The following CSMD1 variants were observed in gnomAD, a reference collection of about 807,000 sequenced individuals.
CSMD1 encodes CUB and Sushi multiple domains 1.
CSMD1 carries 213 observed loss-of-function variants against 417.5 expected under a neutral mutation model. The observed-to-expected ratio is 0.51, with a 90% CI of 0.46 to 0.57. The LOEUF is 0.57. Among genes scored for constraint, CSMD1 ranks in the 20% least tolerant of loss-of-function variants. The pLI is 0.00. For missense variants in CSMD1, 6,923 were observed against 4,529.7 expected, an observed-to-expected ratio of 1.53 and a Z score of -15.17; for synonymous variants, 2,862 against 1,736.8, an observed-to-expected ratio of 1.65 and a Z score of -16.11.
intron 3 of CSMD1, among the ~76,000 whole-genome samples, chr8:4,215,446 T>A (rs898950493): frequency 3.9e-5 from 6 of 152,100 alleles, no homozygotes; most frequent in African/African-American, 1.2e-4. Flanking sequence ...ACTCAATGCT[T>A]CCTGAATATT....
intron 1 of CSMD1, among the ~76,000 whole-genome samples, chr8:4,902,803 G>C (rs1388383811): frequency 6.6e-6 from 1 of 151,930 alleles, no homozygotes; most frequent in Non-Finnish European, 1.5e-5. Context: ...CCAGGTTCAT[G>C]TGTATCCTTT....
chr8:4,585,017 C>T (rs1229035960), intron 2 of CSMD1, among the ~76,000 whole-genome samples: 1 of 150,506 alleles, frequency 6.6e-6, no homozygotes, highest in African/African-American at 2.5e-5. Flanking sequence ...ATTATTTGTA[C>T]AATTTTTCAT....
intron 5 of CSMD1, among the ~76,000 whole-genome samples, chr8:3,830,394 C>A (rs1284414908): frequency 6.6e-6 from 1 of 152,148 alleles, no homozygotes; most frequent in African/African-American, 2.4e-5. Context: ...TTACCTGGAC[C>A]GCTTCCAATC....
At chr8:4,852,921 G>C (rs67494490) in intron 1 of CSMD1, among the ~76,000 whole-genome samples, 10 of 152,068 alleles carry the variant, frequency 6.6e-5, no homozygotes, top group Admixed American at 5.9e-4. Context: ...AGAATGATGA[G>C]AGGGTACATG....
rs531510873 is a variant in CSMD1, at chr8:4,992,731, C to T, written c.85+1601G>A. Reference sequence around the variant, plus strand: ...GTCGGGCCCTGCTCAGCAGGCGCTGCCTCCGCAGCCGGCAATGTCAGAGGC... The same window carrying T: ...GTCGGGCCCTGCTCAGCAGGCGCTGTCTCCGCAGCCGGCAATGTCAGAGGC... On this transcript the variant is annotated intron_variant, in intron 1 of 69. Coordinates refer to ENST00000635120, the MANE Select transcript of CSMD1 (RefSeq NM_033225.6). 2.6e-5 allele frequency among the ~76,000 whole-genome samples: 4 copies of T among 152,376 alleles called. No homozygotes were observed. In the South Asian group the frequency reaches 8.3e-4, roughly 32 times the overall value.
At chr8:3,154,755 C>T (rs114526186) in intron 39 of CSMD1, among the ~76,000 whole-genome samples, 1,947 of 152,246 alleles carry the variant, frequency 0.013, 40 homozygotes, top group African/African-American at 0.044. Flanking sequence ...GAGAACACTG[C>T]TTGATATATT....
chr8:4,833,750 A>G (rs1458778559), intron 1 of CSMD1, among the ~76,000 whole-genome samples: 1 of 152,172 alleles, frequency 6.6e-6, no homozygotes, highest in Admixed American at 6.5e-5. Context: ...CCTGATTTAC[A>G]TTGACTTCTA....
intron 8 of CSMD1, among the ~76,000 whole-genome samples, chr8:3,608,592 T>C (rs992635929): frequency 3.3e-5 from 5 of 151,776 alleles, no homozygotes; most frequent in Non-Finnish European, 5.9e-5. Flanking sequence ...TGAAACCCCG[T>C]CTCTATTAAA....
chr8:3,858,702 A>C (rs755313005), intron 5 of CSMD1, among the ~76,000 whole-genome samples: 1 of 152,148 alleles, frequency 6.6e-6, no homozygotes, highest in Non-Finnish European at 1.5e-5. Flanking sequence ...TAATACCCCA[A>C]ATAAAATAGT....
At position 4,397,530 on chromosome 8, in the gene CSMD1, T is replaced by G. The variant is rs1262657963; in HGVS notation, c.415+22423A>C. ...GTCAACAAGCCTGAGACTCTTTTTT[T>G]TTTTTTTTTTTTTTTTTTTTTTGAG... On this transcript the variant is annotated intron_variant, in intron 3 of 69. Transcript: ENST00000635120. Among the ~76,000 whole-genome samples the G allele has an allele frequency of 3.1e-5, 4 of 130,394 alleles. No individual in the cohort carries two copies. The East Asian group carries it at 9.8e-4, about 32-fold the overall frequency. 85.5% of individuals were successfully genotyped at this position (130,394 alleles called of 152,430 possible). A position where few individuals can be genotyped will look rare whatever the true frequency, so the allele number is the denominator to read the frequency against.
At chr8:3,848,305 C>G (rs115449873) in intron 5 of CSMD1, among the ~76,000 whole-genome samples, 143 of 152,214 alleles carry the variant, frequency 9.4e-4, no homozygotes, top group African/African-American at 3.4e-3. Flanking sequence ...TGCGATCCCA[C>G]TAACAACAGA....
At position 4,184,969 on chromosome 8, in the gene CSMD1, C is replaced by A. The variant is rs951581392; in HGVS notation, c.416-152870G>T. ...CCTCCCCAATGTGGTGAAACCCCAT[C>A]TCTATTAAAAAATACAAAAATTAGC... On this transcript the variant is annotated intron_variant, in intron 3 of 69. Transcript: ENST00000635120. Among the ~76,000 whole-genome samples, 5 of 151,774 alleles carry A rather than the reference C, an allele frequency of 3.3e-5. No individual in the cohort carries two copies. In the South Asian group the frequency reaches 1.0e-3, roughly 32 times the overall value.
intron 1 of CSMD1, among the ~76,000 whole-genome samples, chr8:4,925,684 C>G (rs535084989): frequency 6.6e-6 from 1 of 151,934 alleles, no homozygotes; most frequent in Admixed American, 6.6e-5. Flanking sequence ...GTAGCTGGGA[C>G]TACAGGCGCC....
chr8:3,679,005 G>C (rs376399553), intron 7 of CSMD1, among the ~76,000 whole-genome samples: 1 of 152,024 alleles, frequency 6.6e-6, no homozygotes, highest in East Asian at 1.9e-4. Flanking sequence ...GCCACCACCA[G>C]ACCTCCCCTA....
At chr8:3,230,278 T>C in intron 26 of CSMD1, 47 bp from the exon 27 acceptor site, 1 of 1,459,880 alleles carries the variant, frequency 6.8e-7, no homozygotes. Flanking sequence ...AAACATGGTT[T>C]CCACATTCTT....
At position 3,963,227 on chromosome 8, in the gene CSMD1, C is replaced by G. The variant is rs1009745216; in HGVS notation, c.818+34676G>C. Among the ~76,000 whole-genome samples the G allele has an allele frequency of 5.3e-5, 8 of 152,206 alleles. No homozygotes were observed. In the East Asian group the frequency reaches 1.5e-3, roughly 29 times the overall value. ...GATCACAGGCTTGAGCCACCGCACCCGGCCTCAGTGTTTTGAATATTGTAA... is the reference window on the plus strand; with the variant it reads ...GATCACAGGCTTGAGCCACCGCACCGGGCCTCAGTGTTTTGAATATTGTAA... On this transcript the variant is annotated intron_variant, in intron 5 of 69. Transcript: ENST00000635120.
At chr8:4,442,292 A>G (rs1798529962) in intron 2 of CSMD1, among the ~76,000 whole-genome samples, 2 of 152,290 alleles carry the variant, frequency 1.3e-5, no homozygotes, top group South Asian at 4.1e-4. Flanking sequence ...AAATTATTAA[A>G]AGTTAGAAAA....
chr8:4,114,322 C>T, intron 3 of CSMD1, among the ~76,000 whole-genome samples: 2 of 152,282 alleles, frequency 1.3e-5, no homozygotes, highest in Middle Eastern at 6.8e-3. Flanking sequence ...CTGGATGAGA[C>T]CACATCTGTT....
intron 49 of CSMD1, among the ~76,000 whole-genome samples, chr8:3,072,221 T>C (rs1437043918): frequency 3.9e-5 from 6 of 152,156 alleles, no homozygotes; most frequent in African/African-American, 7.2e-5. Context: ...AAAGTTTTGT[T>C]TACAAACTTT....
Sources: allele counts gnomAD v4.1 joint callset (sites outside exome capture counted in the v4.1 genomes callset), GRCh38; gene constraint gnomAD v4.1.1; transcripts MANE v1.5; gene names NCBI Gene and HGNC (gene_info 2026-07-23, HGNC 2026-07-21).